The following SOAT1 variants were observed in gnomAD, a reference collection of about 807,000 sequenced individuals.
SOAT1 encodes the protein acyl-coenzyme A:cholesterol acyltransferase 1.
In SOAT1, 55 loss-of-function variants were observed where a neutral mutation model predicts 69.5. That is an observed-to-expected ratio of 0.79 (90% CI 0.64 to 0.99). The LOEUF is 0.99. Among genes scored for constraint, SOAT1 ranks in the 50% least tolerant of loss-of-function variants. The pLI is 0.00. For synonymous variants in SOAT1, 231 were observed against 224.7 expected, an observed-to-expected ratio of 1.03 and a Z score of -0.25; for missense variants, 580 against 669.3, an observed-to-expected ratio of 0.87 and a Z score of 1.47.
intron 1 of SOAT1, among the ~76,000 whole-genome samples, chr1:179,301,368 C>G (rs1664825451): frequency 6.6e-6 from 1 of 152,162 alleles, no homozygotes; most frequent in Non-Finnish European, 1.5e-5. Flanking sequence ...TAGTTTGACT[C>G]CTGTCCTCCT....
chr1:179,310,249 C>G (rs1665176630), intron 2 of SOAT1, among the ~76,000 whole-genome samples: 1 of 129,722 alleles, frequency 7.7e-6, no homozygotes, highest in Non-Finnish European at 1.6e-5. Flanking sequence ...AAGATTATGA[C>G]AAAAAGAAAA....
chr1:179,309,187 G>A lies in SOAT1; in HGVS notation c.118+6385G>A, dbSNP rs10913716. On this transcript the variant is annotated intron_variant, in intron 2 of 15. Coordinates refer to ENST00000367619, the MANE Select transcript of SOAT1 (RefSeq NM_003101.6). ...CAACCTCCGCCTCCCTGGTTCAAGC[G>A]ATTCTTCTGTCTCTGCTTCCTGAGT... Among the ~76,000 whole-genome samples, 755 of 152,260 alleles carry A rather than the reference G, an allele frequency of 5.0e-3. 7 individuals carry two copies. The highest frequency in any genetic ancestry group is 0.017 in the African/African-American group (723 of 41,544).
intron 11 of SOAT1, among the ~76,000 whole-genome samples, chr1:179,345,825 C>T (rs766757164): frequency 1.3e-5 from 2 of 152,196 alleles, no homozygotes; most frequent in Non-Finnish European, 2.9e-5. Flanking sequence ...GCTGGGGTTA[C>T]AGGCTTGAGC....
Position 179,351,021 on chromosome 1 carries a change from CTTTTTTTTTT to C in SOAT1, c.1451-266_1451-257del, listed in dbSNP as rs201449849. On this transcript the variant is annotated intron_variant, in intron 14 of 15. Transcript: ENST00000367619. ...TGTTTTGATACCTGTATATTTCTTT[CTTTTTTTTTT>C]TTTTTTTTTTTTTTTTTTTTTTTTT... Among the ~76,000 whole-genome samples the C allele has an allele frequency of 6.6e-3, 840 of 127,536 alleles. 38 individuals carry two copies. The highest frequency in any genetic ancestry group is 8.9e-3 in the Non-Finnish European group (533 of 60,088). The allele number at this position is 127,536 out of a possible 152,430, so 83.7% of individuals were successfully genotyped here.
intron 2 of SOAT1, among the ~76,000 whole-genome samples, chr1:179,313,596 T>A (rs568870027): frequency 1.1e-3 from 169 of 149,262 alleles, no homozygotes; most frequent in African/African-American, 2.6e-3. Flanking sequence ...ATATATATAT[T>A]TTTTTTAGAC....
chr1:179,301,645 C>G (rs1383924618), intron 1 of SOAT1, among the ~76,000 whole-genome samples: 3 of 152,194 alleles, frequency 2.0e-5, no homozygotes, highest in Non-Finnish European at 4.4e-5. Flanking sequence ...TACTTTAAAT[C>G]ATTGTTTTCT....
chr1:179,333,409 A>AAG (rs1173999992), intron 3 of SOAT1, among the ~76,000 whole-genome samples: 1 of 151,568 alleles, frequency 6.6e-6, no homozygotes, highest in African/African-American at 2.4e-5. Context: ...AAAAAAAAAA[A>AAG]ACAAAGTCTT....
At chr1:179,309,622 T>C (rs890481104) in intron 2 of SOAT1, among the ~76,000 whole-genome samples, 4 of 129,234 alleles carry the variant, frequency 3.1e-5, no homozygotes, top group African/African-American at 1.2e-4. Flanking sequence ...GGAAATTGTT[T>C]CATATTTATT....
intron 2 of SOAT1, 84 bp downstream of exon 2, chr1:179,302,886 T>A: frequency 1.5e-6 from 1 of 688,968 alleles, no homozygotes; most frequent in Non-Finnish European, 2.4e-6. Flanking sequence ...GCCATCTCTT[T>A]AATTCTTTAT....
At chr1:179,351,017 C>CTTTTTTTTTTTT (rs1558060562) in intron 14 of SOAT1, among the ~76,000 whole-genome samples, 5 of 13,954 alleles carry the variant, frequency 3.6e-4, no homozygotes, top group African/African-American at 1.2e-3. Flanking sequence ...CTGTATATTT[C>CTTTTTTTTTTTT]TTTCTTTTTT....
chr1:179,311,634 A>G (rs1292500104), intron 2 of SOAT1, among the ~76,000 whole-genome samples: 1 of 152,284 alleles, frequency 6.6e-6, no homozygotes, highest in East Asian at 1.9e-4. Context: ...TACTATTACT[A>G]TGTAACTTTA....
At chr1:179,298,646 T>C (rs1308430731) in intron 1 of SOAT1, among the ~76,000 whole-genome samples, 1 of 152,172 alleles carries the variant, frequency 6.6e-6, no homozygotes, top group Non-Finnish European at 1.5e-5. Flanking sequence ...GTTTTTTGGG[T>C]AGTTTTAGCC....
intron 2 of SOAT1, among the ~76,000 whole-genome samples, chr1:179,316,486 T>A (rs1665400473): frequency 6.6e-6 from 1 of 152,038 alleles, no homozygotes. Context: ...AACCTCCACC[T>A]CCCGGGTTCA....
intron 2 of SOAT1, 120 bp from the exon 3 acceptor site, chr1:179,323,317 G>C: frequency 1.4e-6 from 1 of 710,220 alleles, no homozygotes; most frequent in Non-Finnish European, 2.3e-6. Context: ...GTGTTTTATG[G>C]TTGCACCACA....
chr1:179,349,171 CT>C (rs1307441994), intron 13 of SOAT1, among the ~76,000 whole-genome samples: 1 of 152,048 alleles, frequency 6.6e-6, no homozygotes, highest in African/African-American at 2.4e-5. Context: ...GTCTTTTGCT[CT>C]GAATTTTATC....
Position 179,350,318 on chromosome 1 carries a change from C to T in SOAT1, c.1337C>T (p.Ser446Phe). The change falls in exon 14 of 16, where the codon TCT (serine) becomes TTT (phenylalanine). Residue 446 changes from serine (S) to phenylalanine (F), a missense_variant. Coordinates refer to ENST00000367619, the MANE Select transcript of SOAT1 (RefSeq NM_003101.6). ...FLWFFSKRFK[S>F]AAMLAVFAVS... ...TAGTTTTTCTCCAAGAGATTCAAAT[C>T]TGCTGCCATGTTAGCTGTCTTTGCT... 6.2e-7 allele frequency: 1 copy of T among 1,612,156 alleles called. No individual in the cohort carries two copies. The highest frequency in any genetic ancestry group is 8.5e-7 in the Non-Finnish European group (1 of 1,179,528).
intron 2 of SOAT1, among the ~76,000 whole-genome samples, chr1:179,322,262 A>G (rs1476600575): frequency 1.3e-5 from 2 of 152,178 alleles, no homozygotes; most frequent in East Asian, 3.8e-4. Context: ...CCTAAAAGTA[A>G]CAATTCCATT....
intron 1 of SOAT1, among the ~76,000 whole-genome samples, chr1:179,298,573 T>C (rs1664730980): frequency 6.6e-6 from 1 of 152,016 alleles, no homozygotes; most frequent in African/African-American, 2.4e-5. Flanking sequence ...TTCAAGTGAT[T>C]TTCCTGCCTC....
At position 179,302,676 on chromosome 1, in the gene SOAT1, G is replaced by A. The variant is rs1312086343; in HGVS notation, c.-8-1G>A. 2 of 1,583,108 alleles carry A rather than the reference G, an allele frequency of 1.3e-6. No individual in the cohort carries two copies. Among genetic ancestry groups the A allele is most frequent in the Non-Finnish European group, 1.7e-6 (2 of 1,167,834 alleles). ...AAAGCTTTTTACACCTTCTTTCCTA[G>A]ACAATACAATGGTGGGTGAAGAGAA... On this transcript the variant is annotated splice_acceptor_variant, in intron 1 of 15. Coordinates refer to ENST00000367619, the MANE Select transcript of SOAT1 (RefSeq NM_003101.6). LOFTEE classifies it low-confidence loss of function (5UTR_SPLICE).
Sources: allele counts gnomAD v4.1 joint callset (sites outside exome capture counted in the v4.1 genomes callset), GRCh38; gene constraint gnomAD v4.1.1; transcripts MANE v1.5; gene names NCBI Gene and HGNC (gene_info 2026-07-23, HGNC 2026-07-21).